The following MEGF6 variants were observed in gnomAD, a reference collection of about 807,000 sequenced individuals.
The protein encoded by MEGF6 is multiple EGF like domains 6, also known as multiple epidermal growth factor-like domains protein 6.
A neutral mutation model predicts 207.1 loss-of-function variants in MEGF6; 184 were observed. The observed-to-expected ratio is 0.89, with a 90% CI of 0.79 to 1.00. The LOEUF is 1.00. MEGF6 is among the 50% of genes least tolerant of loss of function. MEGF6 has a pLI of 0.00. For missense variants in MEGF6, 2,282 were observed against 2,202.9 expected (o/e 1.04, Z -0.72); for synonymous variants, 1,038 against 910.0 (o/e 1.14, Z -2.53).
At chr1:3,499,399 C>A in intron 23 of MEGF6, 133 bp from the exon 24 acceptor site, 1 of 1,412,164 alleles carries the variant, frequency 7.1e-7, no homozygotes, top group South Asian at 1.4e-5. Flanking sequence ...CCCTCTGGCT[C>A]AGGCCACCCA....
Position 3,507,845 on chromosome 1 carries a change from G to A in MEGF6, c.1739C>T (p.Thr580Met), listed in dbSNP as rs768161205. The A allele has an allele frequency of 6.2e-6, 10 of 1,612,694 alleles. No individual in the cohort carries two copies. The East Asian group carries it at 1.1e-4, about 18-fold the overall frequency. ...CQNGGTCDSVTGACRCPPGVS... is the reference protein window; with the variant it reads ...CQNGGTCDSVMGACRCPPGVS... ...ACCCGGGGGGCAGCGGCAGGCCCCC[G>A]TGACAGAGTCGCAGGTCCCACCATT... Residue 580 changes from threonine (T) to methionine (M), a missense_variant, in exon 14 of 37, where the codon ACG (threonine) becomes ATG (methionine). Transcript: ENST00000356575.
intron 3 of MEGF6, among the ~76,000 whole-genome samples, chr1:3,585,563 GAA>G (rs1643881562): frequency 1.5e-5 from 2 of 134,898 alleles, no homozygotes; most frequent in Admixed American, 1.5e-4. Context: ...GTGTGGGTGT[GAA>G]TGAGGACACA....
chr1:3,585,112 T>G (rs891614804), intron 3 of MEGF6, among the ~76,000 whole-genome samples: 1 of 147,094 alleles, frequency 6.8e-6, no homozygotes, highest in Non-Finnish European at 1.5e-5. Flanking sequence ...TGTGAGGACG[T>G]ATGTCCTGTG....
chr1:3,530,695 C>G (rs753963161), intron 4 of MEGF6, among the ~76,000 whole-genome samples: 25 of 152,218 alleles, frequency 1.6e-4, no homozygotes, highest in Admixed American at 1.3e-4. Flanking sequence ...TCTGGAGACC[C>G]CGGAGACTCA....
rs1318849753 is a variant in MEGF6, at chr1:3,556,552, G to A, written c.481+23273C>T. On this transcript the variant is annotated intron_variant, in intron 4 of 36. Transcript: ENST00000356575. The surrounding 1 kb of genome is among the most constrained non-coding windows in gnomAD (Gnocchi z 4.4). ...TTCCCACTCCAGTGAGTCAGGAGCG[G>A]GTCACAGAGGCTGCAGCAGCGGAAC... 3.3e-5 allele frequency among the ~76,000 whole-genome samples: 5 copies of A among 152,154 alleles called. No individual in the cohort carries two copies. The highest frequency in any genetic ancestry group is 1.3e-4 in the Admixed American group (2 of 15,282).
chr1:3,534,545 C>T (rs1038264920), intron 4 of MEGF6, among the ~76,000 whole-genome samples: 6 of 152,222 alleles, frequency 3.9e-5, no homozygotes, highest in Non-Finnish European at 8.8e-5. Flanking sequence ...GTGGGAAAGG[C>T]GCTTGACTGA....
At chr1:3,621,279 G>T in the MEGF6 span, among the ~76,000 whole-genome samples, 4 of 152,186 alleles carry the variant, frequency 2.6e-5, no homozygotes, top group Non-Finnish European at 5.9e-5. Context: ...ACTAGACCAC[G>T]GTCCGCTTGG....
At chr1:3,574,298 C>T (rs1343485468) in intron 4 of MEGF6, among the ~76,000 whole-genome samples, 3 of 152,052 alleles carry the variant, frequency 2.0e-5, no homozygotes, top group Non-Finnish European at 2.9e-5. Flanking sequence ...ACCCTTCCTT[C>T]ATTCCCGACC....
intron 35 of MEGF6, among the ~76,000 whole-genome samples, chr1:3,492,121 G>A (rs1279186233): frequency 6.6e-6 from 1 of 152,094 alleles, no homozygotes; most frequent in East Asian, 1.9e-4. Flanking sequence ...GTGCAGGACT[G>A]CGTGCGTGGA....
chr1:3,497,257 A>G lies in MEGF6; in HGVS notation c.3457T>C (p.Phe1153Leu). ...CCCTGCTCGCAGCCGGAGCCAGTGAAGCCAGGGGGACAGCGGCAGGCCCCA... is the reference window on the plus strand; with the variant it reads ...CCCTGCTCGCAGCCGGAGCCAGTGAGGCCAGGGGGACAGCGGCAGGCCCCA... ...VTGACRCPPG[F>L]TGSGCEQACP... Residue 1153 changes from phenylalanine (F) to leucine (L), a missense_variant, in exon 27 of 37, where the codon TTC becomes CTC. Coordinates refer to ENST00000356575, the MANE Select transcript of MEGF6 (RefSeq NM_001409.4). 1.9e-6 allele frequency: 3 copies of G among 1,540,258 alleles called. No individual in the cohort carries two copies. The highest frequency in any genetic ancestry group is 2.6e-6 in the Non-Finnish European group (3 of 1,146,088).
At chr1:3,505,887 G>A (rs1641095392) in intron 15 of MEGF6, among the ~76,000 whole-genome samples, 1 of 152,198 alleles carries the variant, frequency 6.6e-6, no homozygotes, top group Non-Finnish European at 1.5e-5. Context: ...CAAGGTTGGG[G>A]ACCATCCACC....
chr1:3,546,887 G>A (rs1642730972), intron 4 of MEGF6: 1 of 164,896 alleles, frequency 6.1e-6, no homozygotes, highest in African/African-American at 2.6e-5. Flanking sequence ...GCTGGGAAGG[G>A]GGCTGCCAGG....
intron 4 of MEGF6, among the ~76,000 whole-genome samples, chr1:3,526,398 ATTT>A (rs57377827): frequency 7.6e-6 from 1 of 130,920 alleles, no homozygotes; most frequent in Non-Finnish European, 1.6e-5. Context: ...GGTGACACCT[ATTT>A]TTTTTTTTTT....
At chr1:3,546,592 G>T (rs1480378198) in intron 4 of MEGF6, among the ~76,000 whole-genome samples, 3 of 150,810 alleles carry the variant, frequency 2.0e-5, no homozygotes, top group African/African-American at 4.9e-5. Flanking sequence ...AGGCGGGGTG[G>T]CAGTGGGCTG....
intron 4 of MEGF6, among the ~76,000 whole-genome samples, chr1:3,574,936 C>A (rs753063982): frequency 1.3e-5 from 2 of 152,200 alleles, no homozygotes; most frequent in Non-Finnish European, 2.9e-5. Flanking sequence ...AGCCACCACG[C>A]CTGGCTTGAG....
rs147401155 is a variant in MEGF6, at chr1:3,595,183, C to A, written c.376+155G>T. 4.1e-4 allele frequency among the ~76,000 whole-genome samples: 63 copies of A among 152,372 alleles called. No homozygotes were observed. The East Asian group carries it at 0.012, about 28-fold the overall frequency. Reference sequence around the variant, plus strand: ...AGCCTCGCTGACGTCGCTTTTGCAGCCTTTGGCAAACGGCGTTGCTGAGCG... The same window carrying A: ...AGCCTCGCTGACGTCGCTTTTGCAGACTTTGGCAAACGGCGTTGCTGAGCG... On this transcript the variant is annotated intron_variant, in intron 3 of 36. Transcript: ENST00000356575.
chr1:3,491,083 C>G, intron 35 of MEGF6, 124 bp from the exon 36 acceptor site: 1 of 861,128 alleles, frequency 1.2e-6, no homozygotes, highest in South Asian at 1.9e-5. Context: ...CAGTCTCCTT[C>G]CCTTCTCAGT....
At chr1:3,593,092 G>C (rs1644005232) in intron 3 of MEGF6, among the ~76,000 whole-genome samples, 1 of 152,186 alleles carries the variant, frequency 6.6e-6, no homozygotes, top group South Asian at 2.1e-4. Flanking sequence ...TGGCGGCCTA[G>C]TGCCTGGCCA....
At position 3,489,576 on chromosome 1, in the gene MEGF6, C is replaced by T. The variant is rs1247549076; in HGVS notation, c.*952G>A. Among the ~76,000 whole-genome samples the T allele has an allele frequency of 2.0e-5, 3 of 152,204 alleles. No homozygotes were observed. Among genetic ancestry groups the T allele is most frequent in the Admixed American group, 2.0e-4 (3 of 15,282 alleles). On this transcript the variant is annotated 3_prime_UTR_variant, in exon 37 of 37. Coordinates refer to ENST00000356575, the MANE Select transcript of MEGF6 (RefSeq NM_001409.4). ...GGGAGTCCCTGCCCCTGCGATGCTG[C>T]CCTCCCCCCACTGCTGATGCTCAGG...
Sources: allele counts gnomAD v4.1 joint callset (sites outside exome capture counted in the v4.1 genomes callset), GRCh38; gene constraint gnomAD v4.1.1; non-coding constraint Gnocchi (gnomAD v3.1); transcripts MANE v1.5; gene names NCBI Gene and HGNC (gene_info 2026-07-23, HGNC 2026-07-21).